Variants in ADGRB3 observed in about 807,000 individuals in gnomAD.
ADGRB3 encodes the protein brain-specific angiogenesis inhibitor 3.
ADGRB3 carries 37 observed loss-of-function variants against 193.4 expected under a neutral mutation model. That is an observed-to-expected ratio of 0.19 (90% CI 0.15 to 0.25). The LOEUF is 0.25. Ranked by LOEUF, ADGRB3 falls within the 10% of genes least tolerant of loss-of-function variation. The pLI, the probability that ADGRB3 is intolerant of heterozygous loss-of-function variation, is 1.00. For synonymous variants in ADGRB3, 690 were observed against 644.2 expected (o/e 1.07, Z -1.08); for missense variants, 1,637 against 1,852.9 (o/e 0.88, Z 2.14).
chr6:68,699,333 G>A (rs1341818546), intron 3 of ADGRB3, among the ~76,000 whole-genome samples: 1 of 152,086 alleles, frequency 6.6e-6, no homozygotes, highest in Non-Finnish European at 1.5e-5. Context: ...TCCAGCTAAT[G>A]TGTTCCTAGA....
intron 25 of ADGRB3, 111 bp from the exon 26 acceptor site, chr6:69,339,222 C>A: frequency 7.4e-7 from 1 of 1,347,140 alleles, no homozygotes. Flanking sequence ...TTGTGGTTTC[C>A]AAGTTAATGG....
intron 20 of ADGRB3, among the ~76,000 whole-genome samples, chr6:69,256,253 G>A (rs932980879): frequency 6.6e-6 from 1 of 151,882 alleles, no homozygotes; most frequent in African/African-American, 2.4e-5. Flanking sequence ...GTCATTGGTA[G>A]CTTGATGGGG....
At chr6:69,171,857 A>G (rs994471067) in intron 17 of ADGRB3, among the ~76,000 whole-genome samples, 1 of 152,202 alleles carries the variant, frequency 6.6e-6, no homozygotes, top group Non-Finnish European at 1.5e-5. Context: ...TTTCTTCCTC[A>G]GTAATGCAGC....
At chr6:68,885,535 A>G (rs62416403) in intron 3 of ADGRB3, among the ~76,000 whole-genome samples, 14,223 of 152,196 alleles carry the variant, frequency 0.093, 880 homozygotes, top group Non-Finnish European at 0.13. Flanking sequence ...GACAGTATAT[A>G]TTTATCACAT....
At chr6:68,725,434 A>C (rs1164984664) in intron 3 of ADGRB3, among the ~76,000 whole-genome samples, 1 of 151,724 alleles carries the variant, frequency 6.6e-6, no homozygotes, top group Non-Finnish European at 1.5e-5. Context: ...AGTAGTCCAC[A>C]TGCCAAAGAT....
At chr6:68,951,705 A>G (rs1219927275) in intron 6 of ADGRB3, among the ~76,000 whole-genome samples, 1 of 152,204 alleles carries the variant, frequency 6.6e-6, no homozygotes, top group Non-Finnish European at 1.5e-5. Flanking sequence ...CAATAGAAAG[A>G]CAGTTTCAGA....
At chr6:69,019,870 G>A (rs917116833) in intron 13 of ADGRB3, among the ~76,000 whole-genome samples, 1 of 151,980 alleles carries the variant, frequency 6.6e-6, no homozygotes, top group African/African-American at 2.4e-5. Flanking sequence ...TCAGAAATCA[G>A]AGAAATTCCC....
At chr6:69,072,843 T>A (rs1461931814) in intron 16 of ADGRB3, among the ~76,000 whole-genome samples, 1 of 152,234 alleles carries the variant, frequency 6.6e-6, no homozygotes, top group Non-Finnish European at 1.5e-5. Context: ...GCATTTTGGC[T>A]ATGCTGAGGA....
At chr6:69,193,300 A>G (rs1270208411) in intron 17 of ADGRB3, among the ~76,000 whole-genome samples, 1 of 152,186 alleles carries the variant, frequency 6.6e-6, no homozygotes, top group African/African-American at 2.4e-5. Context: ...TGTGATGGCT[A>G]GATGGCAGGT....
At chr6:69,219,947 A>T (rs537887641) in intron 17 of ADGRB3, among the ~76,000 whole-genome samples, 37 of 152,190 alleles carry the variant, frequency 2.4e-4, no homozygotes, top group African/African-American at 8.4e-4. Context: ...TGGGTTTTAT[A>T]TTAGTGATGC....
intron 17 of ADGRB3, among the ~76,000 whole-genome samples, chr6:69,153,856 G>A (rs1222947041): frequency 6.6e-6 from 1 of 152,106 alleles, no homozygotes; most frequent in African/African-American, 2.4e-5. Context: ...AGCCAGGCAT[G>A]GTGGCATGTG....
intron 3 of ADGRB3, among the ~76,000 whole-genome samples, chr6:68,930,181 T>A (rs1194393459): frequency 2.0e-5 from 3 of 152,000 alleles, no homozygotes; most frequent in Admixed American, 6.6e-5. Flanking sequence ...GGGGTGATTG[T>A]TGTTTAGCAA....
chr6:68,669,604 TTGTG>T (rs59849376), intron 3 of ADGRB3, among the ~76,000 whole-genome samples: 37,247 of 134,426 alleles, frequency 0.28, 5,137 homozygotes, highest in Non-Finnish European at 0.3. Flanking sequence ...TAATACTCCA[TTGTG>T]TGTGTGTGTG....
At chr6:69,011,648 TAAAG>T (rs1345510252) in intron 11 of ADGRB3, among the ~76,000 whole-genome samples, 3 of 151,528 alleles carry the variant, frequency 2.0e-5, no homozygotes, top group African/African-American at 2.4e-5. Flanking sequence ...GTTGGAAAAA[TAAAG>T]AAAAAAGAAA....
intron 13 of ADGRB3, among the ~76,000 whole-genome samples, chr6:69,038,806 C>T (rs924361059): frequency 1.3e-5 from 2 of 152,158 alleles, no homozygotes; most frequent in African/African-American, 4.8e-5. Context: ...GAATAATTAT[C>T]ATCTTCAAAA....
At chr6:68,791,908 A>G (rs1472984081) in intron 3 of ADGRB3, among the ~76,000 whole-genome samples, 3 of 152,194 alleles carry the variant, frequency 2.0e-5, no homozygotes, top group Non-Finnish European at 4.4e-5. Context: ...GCATGAAAAG[A>G]CAAGTTCTAG....
intron 3 of ADGRB3, among the ~76,000 whole-genome samples, chr6:68,764,730 AAAT>A (rs1766475315): frequency 6.6e-6 from 1 of 152,088 alleles, no homozygotes; most frequent in South Asian, 2.1e-4. Flanking sequence ...AAAATTTCTC[AAAT>A]AATTTAATTT....
intron 13 of ADGRB3, among the ~76,000 whole-genome samples, chr6:69,020,875 G>C (rs1354385807): frequency 6.6e-6 from 1 of 151,950 alleles, no homozygotes; most frequent in Non-Finnish European, 1.5e-5. Flanking sequence ...ATCAAATTAA[G>C]TAATATGAAT....
intron 29 of ADGRB3, among the ~76,000 whole-genome samples, chr6:69,372,138 A>G (rs1582663606): frequency 6.6e-6 from 1 of 152,198 alleles, no homozygotes; most frequent in East Asian, 1.9e-4. Flanking sequence ...ATTAGGGTTA[A>G]GAGGTCAAAA....
Sources: allele counts gnomAD v4.1 joint callset (sites outside exome capture counted in the v4.1 genomes callset), GRCh38; gene constraint gnomAD v4.1.1; transcripts MANE v1.5; gene names NCBI Gene and HGNC (gene_info 2026-07-23, HGNC 2026-07-21).